The following SKOR2 variants were observed in gnomAD, a reference collection of about 807,000 sequenced individuals.
SKOR2 encodes LBX1 corepressor 1-like protein.
SKOR2 carries 47 observed loss-of-function variants against 69.1 expected under a neutral mutation model. That is an observed-to-expected ratio of 0.68 (90% CI 0.54 to 0.87). The LOEUF is 0.87. Ranked by LOEUF, SKOR2 falls within the 40% of genes least tolerant of loss-of-function variation. The probability of loss-of-function intolerance (pLI) is 0.00; values close to 1 mark genes in which losing one functional copy is unlikely to be tolerated. For synonymous variants in SKOR2, 717 were observed against 672.6 expected, an observed-to-expected ratio of 1.07 and a Z score of -1.02; for missense variants, 1,404 against 1,472.2, an observed-to-expected ratio of 0.95 and a Z score of 0.76.
rs183118495 is a variant in SKOR2 at position 47,221,874 on chromosome 18, G to A, written c.2918-1864C>T. 4.6e-5 allele frequency among the ~76,000 whole-genome samples: 7 copies of A among 152,282 alleles called. No homozygotes were observed. The East Asian group carries it at 5.8e-4, about 13-fold the overall frequency. Reference sequence around the variant, plus strand: ...ACACGGCAGGGGCTAGCTAATAAACGAGGAGTAAAAACACACAGAATTATC... The same window carrying A: ...ACACGGCAGGGGCTAGCTAATAAACAAGGAGTAAAAACACACAGAATTATC... On this transcript the variant is annotated intron_variant, in intron 6 of 8. Transcript: ENST00000425639.
intron 6 of SKOR2, among the ~76,000 whole-genome samples, chr18:47,229,684 A>G (rs1199433234): frequency 6.6e-6 from 1 of 152,104 alleles, no homozygotes; most frequent in Non-Finnish European, 1.5e-5. Context: ...TTTGCATACT[A>G]TTTTCCCACT....
chr18:47,214,583 T>A (rs564040941), intron 7 of SKOR2, among the ~76,000 whole-genome samples: 2 of 152,324 alleles, frequency 1.3e-5, no homozygotes, highest in East Asian at 3.9e-4. Context: ...TGGCCAGTTG[T>A]TCCTGGAAAC....
intron 4 of SKOR2, among the ~76,000 whole-genome samples, chr18:47,238,642 T>A (rs2144505487): frequency 6.6e-6 from 1 of 152,280 alleles, no homozygotes; most frequent in East Asian, 1.9e-4. Flanking sequence ...AATAAAATTA[T>A]TTTAGTTTAA....
At chr18:47,226,181 G>A (rs1057269431) in intron 6 of SKOR2, among the ~76,000 whole-genome samples, 2 of 152,148 alleles carry the variant, frequency 1.3e-5, no homozygotes, top group Admixed American at 1.3e-4. Context: ...ACAGCAAAAC[G>A]ATGAATGCTG....
chr18:47,248,051 C>G lies in SKOR2; in HGVS notation c.1133G>C (p.Arg378Pro). The change falls in exon 2 of 9, where the codon CGC becomes CCC. Residue 378 changes from arginine (R) to proline (P), a missense_variant. Around this residue, in one of 3 missense-constraint regions of SKOR2, gnomAD observed 1,266 missense variants for 1,309.9 expected, o/e 0.97. Coordinates refer to ENST00000425639, the MANE Select transcript of SKOR2 (RefSeq NM_001278063.4). This position sits in a 1 kb window ranked among gnomAD's most constrained non-coding sequence, Gnocchi z 6.4. ...GGGCACCGGGATGACTGGGTAGCTGCGCGGGCCTTTGGCCCCTGCCCCGGC... is the reference window on the plus strand; with the variant it reads ...GGGCACCGGGATGACTGGGTAGCTGGGCGGGCCTTTGGCCCCTGCCCCGGC... The part of the protein sequence containing the change: ...AGAGAGAKGP[R>P]SYPVIPVPSK... 7.0e-7 allele frequency: 1 copy of G among 1,435,074 alleles called. No individual in the cohort carries two copies. Among genetic ancestry groups the G allele is most frequent in the Non-Finnish European group, 9.1e-7 (1 of 1,095,072 alleles). The allele number at this position is 1,435,074 out of a possible 1,614,324, so 88.9% of individuals were successfully genotyped here.
rs2064276974 is a variant in SKOR2 at position 47,246,816 on chromosome 18, C to T, written c.2368G>A (p.Gly790Ser). The T allele has an allele frequency of 6.9e-7, 1 of 1,453,278 alleles. No homozygotes were observed. The allele number at this position is 1,453,278 out of a possible 1,614,324, so 90.0% of individuals were successfully genotyped here. A position where few individuals can be genotyped will look rare whatever the true frequency, so the allele number is the denominator to read the frequency against. ...CTCCCCTTCTCCGACGGCCCTCGGC[C>T]CTGGAGGAACCGGCCGCCCCCGACT... ...PLVGGGRFLQ[G>S]RGPSEKGSSR... Residue 790 changes from glycine to serine, a missense_variant, in exon 2 of 9, where the codon GGC becomes AGC. Around this residue, in one of 3 missense-constraint regions of SKOR2, gnomAD observed 1,266 missense variants for 1,309.9 expected, o/e 0.97. Coordinates refer to ENST00000425639, the MANE Select transcript of SKOR2 (RefSeq NM_001278063.4).
chr18:47,207,590 T>A (rs972168276), intron 8 of SKOR2, among the ~76,000 whole-genome samples: 3 of 152,148 alleles, frequency 2.0e-5, no homozygotes, highest in African/African-American at 7.2e-5. Context: ...CTTAGAACAG[T>A]GGGGGCACAC....
chr18:47,240,602 TA>T (rs946175551), intron 4 of SKOR2, among the ~76,000 whole-genome samples: 19 of 152,208 alleles, frequency 1.2e-4, no homozygotes, highest in African/African-American at 3.1e-4. Context: ...AGGGAGGTTT[TA>T]AAAAAATCAT....
Position 47,248,437 on chromosome 18 carries a change from C to G in SKOR2, c.747G>C (p.Ala249=), listed in dbSNP as rs779762792. ...SRKRALPQPG[A]HPACHPLSSV... ...AGCTGAGCGGGTGGCAGGCGGGGTGCGCGCCCGGCTGGGGCAGTGCGCGCT... is the reference window on the plus strand; with the variant it reads ...AGCTGAGCGGGTGGCAGGCGGGGTGGGCGCCCGGCTGGGGCAGTGCGCGCT... Residue 249 remains alanine (A), a synonymous_variant, in exon 2 of 9, where the codon GCG becomes GCC. Coordinates refer to ENST00000425639, the MANE Select transcript of SKOR2 (RefSeq NM_001278063.4). This position sits in a 1 kb window ranked among gnomAD's most constrained non-coding sequence, Gnocchi z 6.4. 3.4e-6 allele frequency: 5 copies of G among 1,474,366 alleles called. No homozygotes were observed. The East Asian group carries it at 1.4e-4, about 41-fold the overall frequency. 91.3% of individuals were successfully genotyped at this position (1,474,366 alleles called of 1,614,324 possible). A position where few individuals can be genotyped will look rare whatever the true frequency, so the allele number is the denominator to read the frequency against.
chr18:47,213,698 T>C (rs2064135077), intron 7 of SKOR2, among the ~76,000 whole-genome samples: 1 of 152,152 alleles, frequency 6.6e-6, no homozygotes, highest in South Asian at 2.1e-4. Context: ...AGGGCATAGA[T>C]AGCATCACTG....
intron 4 of SKOR2, among the ~76,000 whole-genome samples, chr18:47,243,592 T>C (rs146277095): frequency 6.6e-5 from 10 of 152,284 alleles, no homozygotes; most frequent in African/African-American, 2.4e-4. Flanking sequence ...CTCAATTTTG[T>C]GAAATATCAT....
At chr18:47,244,782 G>A in intron 4 of SKOR2, 126 bp downstream of exon 4, 1 of 791,728 alleles carries the variant, frequency 1.3e-6, no homozygotes. Flanking sequence ...GTTTTTCTTA[G>A]TTATATCTAC....
chr18:47,242,498 T>C (rs1023123188), intron 4 of SKOR2, among the ~76,000 whole-genome samples: 20 of 152,154 alleles, frequency 1.3e-4, no homozygotes, highest in African/African-American at 4.6e-4. Flanking sequence ...ATTAAATTTA[T>C]AGAAAATATT....
Position 47,246,871 on chromosome 18 carries a change from C to T in SKOR2, c.2313G>A (p.Glu771=), listed in dbSNP as rs2064277480. ...RDPDDDEEED[E]ETEVLLGDPL... Reference sequence around the variant, plus strand: ...GGTCGCCGAGTAGGACCTCCGTCTCCTCGTCCTCTTCCTCGTCGTCGTCAG... The same window carrying T: ...GGTCGCCGAGTAGGACCTCCGTCTCTTCGTCCTCTTCCTCGTCGTCGTCAG... Residue 771 remains glutamate, a synonymous_variant, in exon 2 of 9, where the codon GAG becomes GAA. Coordinates refer to ENST00000425639, the MANE Select transcript of SKOR2 (RefSeq NM_001278063.4). 1 of 1,493,082 alleles carries T rather than the reference C, an allele frequency of 6.7e-7. No homozygotes were observed. Among genetic ancestry groups the T allele is most frequent in the Non-Finnish European group, 8.9e-7 (1 of 1,127,456 alleles). 92.5% of individuals were successfully genotyped at this position (1,493,082 alleles called of 1,614,324 possible).
intron 6 of SKOR2, among the ~76,000 whole-genome samples, chr18:47,220,988 T>A (rs1365825885): frequency 6.6e-6 from 1 of 152,120 alleles, no homozygotes; most frequent in Non-Finnish European, 1.5e-5. Flanking sequence ...TGCAGGCACC[T>A]CATCCCTGAA....
rs1474987853 is a variant in SKOR2, at chr18:47,246,552, G to A, written c.2613+19C>T. ...AAATAATAATAATTAGCTTGAAGGA[G>A]CCTAAAGGGGATATTTACATCTTTG... On this transcript the variant is annotated intron_variant, in intron 2 of 8. Coordinates refer to ENST00000425639, the MANE Select transcript of SKOR2 (RefSeq NM_001278063.4). 2 of 1,506,350 alleles carry A rather than the reference G, an allele frequency of 1.3e-6. No homozygotes were observed. Among genetic ancestry groups the A allele is most frequent in the East Asian group, 2.7e-5 (1 of 37,728 alleles). 93.3% of individuals were successfully genotyped at this position (1,506,350 alleles called of 1,614,324 possible).
intron 4 of SKOR2, among the ~76,000 whole-genome samples, chr18:47,231,614 C>T (rs563636304): frequency 2.6e-5 from 4 of 152,074 alleles, no homozygotes; most frequent in South Asian, 2.1e-4. Context: ...GATGCCGAGG[C>T]GGGCAGATCA....
rs748023430 is a variant in SKOR2, at chr18:47,248,472, C to T, written c.712G>A (p.Gly238Ser). 3 of 1,535,850 alleles carry T rather than the reference C, an allele frequency of 2.0e-6. No homozygotes were observed. In the South Asian group the frequency reaches 3.6e-5, roughly 18 times the overall value. The part of the protein sequence containing the change: ...WEDVKAMFNG[G>S]SRKRALPQPG... ...TGGGGCAGTGCGCGCTTGCGGCTGCCGCCGTTGAACATGGCCTTGACGTCC... is the reference window on the plus strand; with the variant it reads ...TGGGGCAGTGCGCGCTTGCGGCTGCTGCCGTTGAACATGGCCTTGACGTCC... Residue 238 changes from glycine to serine, a missense_variant, in exon 2 of 9, where the codon GGC becomes AGC. Gly to Ser is a moderately conservative substitution (Grantham distance 56). Transcript: ENST00000425639. The surrounding 1 kb of genome is among the most constrained non-coding windows in gnomAD (Gnocchi z 6.4).
rs1351350061 is a variant in SKOR2 at position 47,247,255 on chromosome 18, C to G, written c.1929G>C (p.Ser643=). The G allele has an allele frequency of 6.8e-7, 1 of 1,473,872 alleles. No homozygotes were observed. The highest frequency in any genetic ancestry group is 2.3e-5 in the Admixed American group (1 of 43,158). 91.3% of individuals were successfully genotyped at this position (1,473,872 alleles called of 1,614,324 possible). A position where few individuals can be genotyped will look rare whatever the true frequency, so the allele number is the denominator to read the frequency against. The change falls in exon 2 of 9, where the codon TCG becomes TCC. Residue 643 remains serine, a synonymous_variant. Coordinates refer to ENST00000425639, the MANE Select transcript of SKOR2 (RefSeq NM_001278063.4). The surrounding 1 kb of genome is among the most constrained non-coding windows in gnomAD (Gnocchi z 6.6). ...AESLAKLHGA[S]AGAPHSAQTH... is the part of the protein sequence containing the mutation. Reference sequence around the variant, plus strand: ...TCTGGGCCGAGTGGGGCGCGCCCGCCGACGCCCCGTGCAGCTTGGCCAGGC... The same window carrying G: ...TCTGGGCCGAGTGGGGCGCGCCCGCGGACGCCCCGTGCAGCTTGGCCAGGC...
Sources: gnomAD v4.1 joint callset for allele counts (sites outside exome capture counted in the v4.1 genomes callset) on GRCh38, gnomAD v4.1.1 for gene constraint, gnomAD v4.1.1 regional missense constraint, Gnocchi (gnomAD v3.1) non-coding constraint, MANE v1.5 for transcripts, NCBI Gene and HGNC (gene_info 2026-07-23, HGNC 2026-07-21) for gene names.